Variants in SLC4A10 observed in about 807,000 individuals in gnomAD.
SLC4A10 encodes solute carrier family 4 member 10, also known as sodium-driven chloride bicarbonate exchanger.
A neutral mutation model predicts 137.7 loss-of-function variants in SLC4A10; 42 were observed. That is an observed-to-expected ratio of 0.30 (90% CI 0.24 to 0.39). The LOEUF (loss-of-function observed/expected upper bound fraction) is 0.39, where lower values mean the gene tolerates loss of function less well. Ranked by LOEUF, SLC4A10 falls within the 10% of genes least tolerant of loss-of-function variation. The pLI is 1.00. For missense variants in SLC4A10, 925 were observed against 1,355.0 expected (o/e 0.68, Z 4.98); for synonymous variants, 474 against 464.1 (o/e 1.02, Z -0.27).
chr2:161,855,407 T>A (rs1457189086), intron 5 of SLC4A10, among the ~76,000 whole-genome samples: 1 of 152,072 alleles, frequency 6.6e-6, no homozygotes, highest in South Asian at 2.1e-4. Flanking sequence ...ATTTAGACTC[T>A]CACCATTAGA....
rs116580500 is a variant in SLC4A10, at chr2:161,806,669, C to A, written c.277+2074C>A. Among the ~76,000 whole-genome samples, 935 of 152,264 alleles carry A rather than the reference C, an allele frequency of 6.1e-3. 11 individuals carry two copies. Among genetic ancestry groups the A allele is most frequent in the African/African-American group, 0.022 (897 of 41,566 alleles). ...CCAGTTCCCAACACGTTCTTCATCT[C>A]CACCTGAGACCACCTGAGATTGCCT... On this transcript the variant is annotated intron_variant, in intron 3 of 26. Coordinates refer to ENST00000446997, the MANE Select transcript of SLC4A10 (RefSeq NM_001178015.2).
chr2:161,695,866 G>T (rs562971327), intron 1 of SLC4A10, among the ~76,000 whole-genome samples: 1 of 152,182 alleles, frequency 6.6e-6, no homozygotes, highest in Non-Finnish European at 1.5e-5. Context: ...AGTGATAGCA[G>T]TTACCATGGC....
intron 1 of SLC4A10, among the ~76,000 whole-genome samples, chr2:161,736,133 A>G (rs893991432): frequency 2.6e-5 from 4 of 152,066 alleles, no homozygotes; most frequent in African/African-American, 7.2e-5. Context: ...TTTTAAATAT[A>G]TATTTTTTCT....
intron 19 of SLC4A10, among the ~76,000 whole-genome samples, chr2:161,951,515 G>T (rs767072487): frequency 2.0e-5 from 3 of 152,070 alleles, no homozygotes; most frequent in Non-Finnish European, 4.4e-5. Context: ...CTTACTTACA[G>T]GAATATGTTA....
chr2:161,943,934 G>T (rs1476224265), intron 16 of SLC4A10, among the ~76,000 whole-genome samples: 2 of 151,858 alleles, frequency 1.3e-5, no homozygotes, highest in East Asian at 3.9e-4. Flanking sequence ...TTTCTCTATT[G>T]AATATGTTCT....
At chr2:161,928,084 G>T (rs1484573413) in intron 15 of SLC4A10, among the ~76,000 whole-genome samples, 1 of 150,860 alleles carries the variant, frequency 6.6e-6, no homozygotes, top group East Asian at 1.9e-4. Flanking sequence ...TATGTTTATT[G>T]TGGCATTATT....
At chr2:161,763,748 A>G (rs1383635972) in intron 1 of SLC4A10, among the ~76,000 whole-genome samples, 1 of 152,156 alleles carries the variant, frequency 6.6e-6, no homozygotes, top group Non-Finnish European at 1.5e-5. Context: ...AGAAGGTGGA[A>G]GGCAAAGAAT....
At chr2:161,656,157 A>T (rs2037503790) in intron 1 of SLC4A10, among the ~76,000 whole-genome samples, 1 of 152,126 alleles carries the variant, frequency 6.6e-6, no homozygotes, top group African/African-American at 2.4e-5. Context: ...TTATCTTTGG[A>T]ATGCAAAGAT....
chr2:161,656,381 A>G (rs1233257842), intron 1 of SLC4A10, among the ~76,000 whole-genome samples: 1 of 152,226 alleles, frequency 6.6e-6, no homozygotes, highest in Non-Finnish European at 1.5e-5. Flanking sequence ...CAGAGTATTA[A>G]GTAGTGAATG....
intron 3 of SLC4A10, among the ~76,000 whole-genome samples, chr2:161,809,681 G>A (rs777134385): frequency 1.3e-5 from 2 of 152,008 alleles, no homozygotes; most frequent in East Asian, 1.9e-4. Context: ...AGAGCAGACT[G>A]TTGTAGGTGT....
chr2:161,861,209 A>G (rs1438584412), intron 5 of SLC4A10, among the ~76,000 whole-genome samples: 2 of 152,212 alleles, frequency 1.3e-5, no homozygotes, highest in African/African-American at 4.8e-5. Flanking sequence ...TCATATGAAT[A>G]CCATCTCCTT....
At chr2:161,866,709 G>A (rs62188766) in intron 6 of SLC4A10, among the ~76,000 whole-genome samples, 11,673 of 151,800 alleles carry the variant, frequency 0.077, 470 homozygotes, top group East Asian at 0.13. Flanking sequence ...TTTGAATTAG[G>A]AAGATTTTCT....
chr2:161,889,532 T>C (rs1007616036), intron 10 of SLC4A10, among the ~76,000 whole-genome samples: 6 of 152,192 alleles, frequency 3.9e-5, no homozygotes, highest in African/African-American at 1.4e-4. Flanking sequence ...TGTTCAGGAA[T>C]TTATCCATTT....
chr2:161,790,700 C>A (rs1366864770), intron 2 of SLC4A10, among the ~76,000 whole-genome samples: 1 of 152,062 alleles, frequency 6.6e-6, no homozygotes, highest in Non-Finnish European at 1.5e-5. Flanking sequence ...CTGTGCACAT[C>A]TTATAATAAA....
chr2:161,679,328 ATC>A (rs999183647), intron 1 of SLC4A10, among the ~76,000 whole-genome samples: 2 of 152,170 alleles, frequency 1.3e-5, no homozygotes, highest in Non-Finnish European at 2.9e-5. Flanking sequence ...GGAGCACAAA[ATC>A]TTTTTATTTA....
At chr2:161,882,901 T>C (rs915982768) in intron 10 of SLC4A10, among the ~76,000 whole-genome samples, 1 of 152,138 alleles carries the variant, frequency 6.6e-6, no homozygotes, top group African/African-American at 2.4e-5. Context: ...CCTGGGAGTC[T>C]GGGGACTATT....
intron 1 of SLC4A10, among the ~76,000 whole-genome samples, chr2:161,676,193 C>A (rs530321070): frequency 6.6e-6 from 1 of 152,268 alleles, no homozygotes; most frequent in East Asian, 1.9e-4. Context: ...AAGTTAAGAA[C>A]TACTTTCTGC....
At chr2:161,975,036 G>A (rs1002405392) in intron 24 of SLC4A10, among the ~76,000 whole-genome samples, 1 of 152,016 alleles carries the variant, frequency 6.6e-6, no homozygotes, top group Admixed American at 6.6e-5. Flanking sequence ...AAAATACAGA[G>A]AATACTTTTT....
chr2:161,780,267 T>G (rs559902095), intron 2 of SLC4A10, among the ~76,000 whole-genome samples: 1 of 152,144 alleles, frequency 6.6e-6, no homozygotes, highest in South Asian at 2.1e-4. Flanking sequence ...ATAACCAGAT[T>G]AATCACTCAT....
Sources: allele counts gnomAD v4.1 joint callset (sites outside exome capture counted in the v4.1 genomes callset), GRCh38; gene constraint gnomAD v4.1.1; transcripts MANE v1.5; gene names NCBI Gene and HGNC (gene_info 2026-07-23, HGNC 2026-07-21).